The following TP63 variants were observed in gnomAD, a reference collection of about 807,000 sequenced individuals.
TP63 encodes tumor protein 63.
A neutral mutation model predicts 82.8 loss-of-function variants in TP63; 17 were observed. The ratio of observed to expected loss-of-function variants is 0.21; its 90% CI spans 0.14 to 0.31. The LOEUF (loss-of-function observed/expected upper bound fraction) is 0.31. Ranked by LOEUF, TP63 falls within the 10% of genes least tolerant of loss-of-function variation. TP63 has a pLI of 1.00. For synonymous variants in TP63, 330 were observed against 321.7 expected, an observed-to-expected ratio of 1.03 and a Z score of -0.28; for missense variants, 648 against 895.3, an observed-to-expected ratio of 0.72 and a Z score of 3.52.
intron 1 of TP63, among the ~76,000 whole-genome samples, chr3:189,653,225 C>A (rs1920266): frequency 0.46 from 69,304 of 152,066 alleles, 16,174 homozygotes; most frequent in East Asian, 0.68. Flanking sequence ...TGGTCCAGAA[C>A]ATACATATGC....
intron 1 of TP63, among the ~76,000 whole-genome samples, chr3:189,642,978 A>AATTAATTTATTTATTT (rs1204363196): frequency 1.2e-3 from 170 of 137,796 alleles, no homozygotes; most frequent in Non-Finnish European, 1.9e-3. Flanking sequence ...CAGACAGCCA[A>AATTAATTTATTTATTT]ATTTATTTAT....
At chr3:189,881,048 T>C in intron 10 of TP63, 1 of 985,388 alleles carries the variant, frequency 1.0e-6, no homozygotes, top group Non-Finnish European at 1.2e-6. Context: ...TATTCAAAGC[T>C]CAAAATAGAA....
chr3:189,879,925 C>T (rs1318122678), intron 10 of TP63: 4 of 1,218,948 alleles, frequency 3.3e-6, no homozygotes, highest in African/African-American at 3.1e-5. Context: ...ATTGGAAGAA[C>T]AAAAATAGCT....
At chr3:189,855,088 A>C (rs1716119459) in intron 4 of TP63, among the ~76,000 whole-genome samples, 1 of 152,222 alleles carries the variant, frequency 6.6e-6, no homozygotes, top group African/African-American at 2.4e-5. Context: ...AAATGCAAAC[A>C]ATAGGAAAAA....
In TP63 at chr3:189,819,896, G is replaced by A. The variant is rs191148972; in HGVS notation, c.579+11370G>A. On this transcript the variant is annotated intron_variant, in intron 4 of 13. Coordinates refer to ENST00000264731, the MANE Select transcript of TP63 (RefSeq NM_003722.5). ...CTCCTGAACAGCTGGGATTACAGGC[G>A]CGTGACTCCATGCCCAGCTAATTTT... Among the ~76,000 whole-genome samples, 101 of 151,646 alleles carry A rather than the reference G, an allele frequency of 6.7e-4. No homozygotes were observed. In the Middle Eastern group the frequency reaches 0.01, roughly 15 times the overall value.
chr3:189,597,416 AAC>A, the TP63 span, among the ~76,000 whole-genome samples: 75 of 120,680 alleles, frequency 6.2e-4, no homozygotes, highest in Middle Eastern at 3.8e-3. Flanking sequence ...GATATGCTCA[AAC>A]TCTCTCTACC....
chr3:189,597,553 A>AT, the TP63 span, among the ~76,000 whole-genome samples: 1 of 152,364 alleles, frequency 6.6e-6, no homozygotes, highest in Admixed American at 6.5e-5. Context: ...TCAAATGATC[A>AT]AAACCTTAGA....
At chr3:189,742,647 T>G (rs1022248962) in intron 3 of TP63, among the ~76,000 whole-genome samples, 1 of 152,236 alleles carries the variant, frequency 6.6e-6, no homozygotes, top group African/African-American at 2.4e-5. Flanking sequence ...CTACATCTTA[T>G]ATAATCCAAG....
chr3:189,720,925 T>C (rs766789898), intron 1 of TP63, among the ~76,000 whole-genome samples: 2 of 152,132 alleles, frequency 1.3e-5, no homozygotes, highest in African/African-American at 2.4e-5. Flanking sequence ...AATTACCTTC[T>C]GTGCACCACT....
At chr3:189,780,588 A>G (rs1724155077) in intron 3 of TP63, among the ~76,000 whole-genome samples, 1 of 152,172 alleles carries the variant, frequency 6.6e-6, no homozygotes, top group Admixed American at 6.5e-5. Context: ...CAAGGAAGGC[A>G]CTTGTTTTTA....
chr3:189,613,824 C>G, the TP63 span, among the ~76,000 whole-genome samples: 1 of 152,178 alleles, frequency 6.6e-6, no homozygotes, highest in Non-Finnish European at 1.5e-5. Flanking sequence ...TTTGACTGCC[C>G]TGCTGGATTT....
At chr3:189,730,367 G>A (rs977807366) in intron 1 of TP63, among the ~76,000 whole-genome samples, 3 of 152,008 alleles carry the variant, frequency 2.0e-5, no homozygotes, top group Non-Finnish European at 4.4e-5. Flanking sequence ...TGGTCATATC[G>A]TGGAAAAAGG....
chr3:189,808,210 T>A (rs1284448082), intron 3 of TP63, 62 bp from the exon 4 acceptor site: 19 of 1,614,052 alleles, frequency 1.2e-5, no homozygotes, highest in Non-Finnish European at 1.2e-5. Context: ...TGGATGCCTT[T>A]TTTTGGAGCA....
intron 1 of TP63, among the ~76,000 whole-genome samples, chr3:189,711,639 C>T (rs946020979): frequency 3.9e-5 from 6 of 152,210 alleles, no homozygotes; most frequent in Middle Eastern, 3.4e-3. Flanking sequence ...TGCAAACAAA[C>T]GGGTAGAGAA....
At chr3:189,661,303 ATCTT>A (rs1485454809) in intron 1 of TP63, among the ~76,000 whole-genome samples, 2 of 151,888 alleles carry the variant, frequency 1.3e-5, no homozygotes, top group African/African-American at 2.4e-5. Context: ...TTTTATCTAA[ATCTT>A]TCTCCACATC....
At chr3:189,611,165 A>G in the TP63 span, among the ~76,000 whole-genome samples, 1 of 152,090 alleles carries the variant, frequency 6.6e-6, no homozygotes, top group African/African-American at 2.4e-5. Flanking sequence ...TCATTTGTCA[A>G]TTTTTGCTTT....
chr3:189,745,706 C>CT (rs1230233112), intron 3 of TP63, among the ~76,000 whole-genome samples: 9 of 43,654 alleles, frequency 2.1e-4, no homozygotes, highest in Non-Finnish European at 2.9e-4. Flanking sequence ...GAAACTCCAT[C>CT]TCAAAAAAAA....
intron 1 of TP63, among the ~76,000 whole-genome samples, chr3:189,649,807 TG>T (rs1473600382): frequency 2.1e-5 from 3 of 145,980 alleles, no homozygotes; most frequent in African/African-American, 7.7e-5. Context: ...AAGATCAGAG[TG>T]GCTGGAACAG....
At chr3:189,629,611 A>G (rs549611008), upstream of TP63, among the ~76,000 whole-genome samples, 29 of 152,246 alleles carry the variant, frequency 1.9e-4, no homozygotes, top group African/African-American at 5.3e-4. Flanking sequence ...TGGTCCAAGG[A>G]CCAGCAGCAT....
Sources: gnomAD v4.1 joint callset for allele counts (sites outside exome capture counted in the v4.1 genomes callset) on GRCh38, gnomAD v4.1.1 for gene constraint, MANE v1.5 for transcripts, NCBI Gene and HGNC (gene_info 2026-07-23, HGNC 2026-07-21) for gene names.